Variants in SLC6A11 observed in about 807,000 individuals in gnomAD.
The protein encoded by SLC6A11 is sodium- and chloride-dependent GABA transporter 3.
SLC6A11 carries 25 observed loss-of-function variants against 74.8 expected under a neutral mutation model. That is an observed-to-expected ratio of 0.33 (90% CI 0.24 to 0.47). The LOEUF (loss-of-function observed/expected upper bound fraction) is 0.47. Among genes scored for constraint, SLC6A11 ranks in the 20% least tolerant of loss-of-function variants. The pLI, the probability that SLC6A11 is intolerant of heterozygous loss-of-function variation, is 1.00. For synonymous variants in SLC6A11, 330 were observed against 330.2 expected, an observed-to-expected ratio of 1.00 and a Z score of 0.01; for missense variants, 574 against 837.0, an observed-to-expected ratio of 0.69 and a Z score of 3.88.
intron 6 of SLC6A11, among the ~76,000 whole-genome samples, chr3:10,896,812 C>T (rs1575693578): frequency 6.6e-6 from 1 of 152,332 alleles, no homozygotes; most frequent in Admixed American, 6.5e-5. Flanking sequence ...GACCCACTAA[C>T]ATTAAGCTTC....
At chr3:10,914,928 G>C (rs1183393202) in intron 7 of SLC6A11, among the ~76,000 whole-genome samples, 1 of 152,156 alleles carries the variant, frequency 6.6e-6, no homozygotes, top group Admixed American at 6.5e-5. Context: ...CCTCCAGCTA[G>C]GCTGTCAGCA....
intron 6 of SLC6A11, among the ~76,000 whole-genome samples, chr3:10,881,669 G>A (rs1353406300): frequency 6.6e-6 from 1 of 152,208 alleles, no homozygotes; most frequent in Non-Finnish European, 1.5e-5. Flanking sequence ...AAACATGTGT[G>A]GGGTTCATGA....
chr3:10,895,235 G>A (rs1413453410), intron 6 of SLC6A11, among the ~76,000 whole-genome samples: 1 of 152,180 alleles, frequency 6.6e-6, no homozygotes, highest in African/African-American at 2.4e-5. Flanking sequence ...TTTAATTTGA[G>A]AGAGTGCATT....
At chr3:10,821,399 A>G (rs530627152) in intron 3 of SLC6A11, among the ~76,000 whole-genome samples, 32 of 152,326 alleles carry the variant, frequency 2.1e-4, no homozygotes, top group Non-Finnish European at 3.8e-4. Flanking sequence ...TAATTCATAG[A>G]TAGAGCATTA....
At chr3:10,891,062 G>A (rs376764053) in intron 6 of SLC6A11, among the ~76,000 whole-genome samples, 1 of 152,110 alleles carries the variant, frequency 6.6e-6, no homozygotes, top group South Asian at 2.1e-4. Context: ...TTAGCTTTTG[G>A]TCATACCCAC....
At chr3:10,900,958 T>C (rs1361939771) in intron 6 of SLC6A11, among the ~76,000 whole-genome samples, 1 of 152,142 alleles carries the variant, frequency 6.6e-6, no homozygotes, top group Non-Finnish European at 1.5e-5. Context: ...TTTTGGCTGC[T>C]AGAATGAATG....
At chr3:10,855,920 T>A (rs1694634023) in intron 5 of SLC6A11, among the ~76,000 whole-genome samples, 1 of 152,352 alleles carries the variant, frequency 6.6e-6, no homozygotes, top group South Asian at 2.1e-4. Context: ...CTATGTTGAT[T>A]GGGAACCCAT....
At chr3:10,927,309 G>T (rs78318047) in intron 9 of SLC6A11, among the ~76,000 whole-genome samples, 10,752 of 152,250 alleles carry the variant, frequency 0.071, 487 homozygotes, top group Middle Eastern at 0.11. Flanking sequence ...CCGGCTCGGC[G>T]AGTCCCTGGG....
chr3:10,937,409 A>G (rs929517516), intron 13 of SLC6A11, among the ~76,000 whole-genome samples: 1 of 152,226 alleles, frequency 6.6e-6, no homozygotes, highest in South Asian at 2.1e-4. Context: ...TCCTACCTGG[A>G]CAGTGTGCCA....
Position 10,912,070 on chromosome 3 carries a change from A to T in SLC6A11, c.892-20A>T. The T allele has an allele frequency of 6.4e-7, 1 of 1,555,642 alleles. No individual in the cohort carries two copies. ...ACATCTGACTTCTGTTTATGCCAAC[A>T]TCTTTGTGCCTTCCTACAGGTCTGG... On this transcript the variant is annotated intron_variant, in intron 6 of 13. Transcript: ENST00000254488.
intron 1 of SLC6A11, among the ~76,000 whole-genome samples, chr3:10,819,093 T>C (rs1214130755): frequency 1.3e-5 from 2 of 152,112 alleles, no homozygotes; most frequent in African/African-American, 2.4e-5. Context: ...TGAAAAAGGG[T>C]GCAACATTCA....
chr3:10,850,775 G>A (rs1250834537), intron 5 of SLC6A11, among the ~76,000 whole-genome samples: 1 of 152,158 alleles, frequency 6.6e-6, no homozygotes, highest in Non-Finnish European at 1.5e-5. Context: ...TTTCCAGCAG[G>A]GATAGCACGG....
Position 10,844,245 on chromosome 3 carries a change from G to A in SLC6A11, c.655G>A (p.Glu219Lys), listed in dbSNP as rs1015213854. ...GGTCCTGGCCATCTCTGACGGGATCGAGCACATCGGGAACCTTCGCTGGGA... is the reference window on the plus strand; with the variant it reads ...GGTCCTGGCCATCTCTGACGGGATCAAGCACATCGGGAACCTTCGCTGGGA... ...HRVLAISDGIEHIGNLRWELA... is the reference protein window; with the variant it reads ...HRVLAISDGIKHIGNLRWELA... The change falls in exon 5 of 14, where the codon GAG becomes AAG. Residue 219 changes from glutamate (E) to lysine (K), a missense_variant. Coordinates refer to ENST00000254488, the MANE Select transcript of SLC6A11 (RefSeq NM_014229.3). The A allele has an allele frequency of 4.3e-6, 7 of 1,614,076 alleles. No individual in the cohort carries two copies. The highest frequency in any genetic ancestry group is 5.1e-6 in the Non-Finnish European group (6 of 1,180,042).
At chr3:10,880,161 T>A (rs1398812721) in intron 6 of SLC6A11, among the ~76,000 whole-genome samples, 1 of 152,102 alleles carries the variant, frequency 6.6e-6, no homozygotes, top group Non-Finnish European at 1.5e-5. Context: ...CTCCCAAAGT[T>A]AGGAAGAGTA....
chr3:10,846,023 C>T (rs1177384331), intron 5 of SLC6A11, among the ~76,000 whole-genome samples: 3 of 152,184 alleles, frequency 2.0e-5, no homozygotes, highest in Non-Finnish European at 2.9e-5. Flanking sequence ...TCACTTTCCT[C>T]TTCTGTAAGA....
intron 8 of SLC6A11, among the ~76,000 whole-genome samples, chr3:10,920,711 C>T (rs1695526281): frequency 6.6e-6 from 1 of 152,220 alleles, no homozygotes; most frequent in Non-Finnish European, 1.5e-5. Context: ...CTAGCTTTTA[C>T]AGTGCCTATC....
intron 13 of SLC6A11, among the ~76,000 whole-genome samples, chr3:10,937,922 G>A (rs1695777074): frequency 6.6e-6 from 1 of 152,214 alleles, no homozygotes; most frequent in Non-Finnish European, 1.5e-5. Flanking sequence ...CAGGCACCAG[G>A]CAGTGGACCC....
At chr3:10,902,492 C>T (rs1306306618) in intron 6 of SLC6A11, among the ~76,000 whole-genome samples, 5 of 152,348 alleles carry the variant, frequency 3.3e-5, no homozygotes, top group Middle Eastern at 3.4e-3. Context: ...GAATCGTCAG[C>T]CACCAAAAGA....
Position 10,823,293 on chromosome 3 carries a change from C to T in SLC6A11, c.533-9C>T. 1 of 1,594,170 alleles carries T rather than the reference C, an allele frequency of 6.3e-7. No homozygotes were observed. Among genetic ancestry groups the T allele is most frequent in the South Asian group, 1.1e-5 (1 of 90,652 alleles). ...TTTTCTTCTATTTCTTGTCTTGTTT[C>T]CACTGTAGAGAATTGTGTGGAGTTC... On this transcript the variant is annotated splice_polypyrimidine_tract_variant and intron_variant, in intron 3 of 13. Transcript: ENST00000254488.
Sources: allele counts gnomAD v4.1 joint callset (sites outside exome capture counted in the v4.1 genomes callset), GRCh38; gene constraint gnomAD v4.1.1; transcripts MANE v1.5; gene names NCBI Gene and HGNC (gene_info 2026-07-23, HGNC 2026-07-21).